Variants in SLC24A2 observed in about 807,000 individuals in gnomAD.
The protein encoded by SLC24A2 is solute carrier family 24 member 2, also known as sodium/potassium/calcium exchanger 2.
A neutral mutation model predicts 62.0 loss-of-function variants in SLC24A2; 36 were observed. The observed-to-expected ratio is 0.58, with a 90% confidence interval of 0.44 to 0.77. The LOEUF (loss-of-function observed/expected upper bound fraction) is 0.77, where lower values mean the gene tolerates loss of function less well. Among genes scored for constraint, SLC24A2 ranks in the 30% least tolerant of loss-of-function variants. The pLI, the probability that SLC24A2 is intolerant of heterozygous loss-of-function variation, is 0.00. For synonymous variants in SLC24A2, 358 were observed against 294.0 expected (o/e 1.22, Z -2.23); for missense variants, 846 against 817.9 (o/e 1.03, Z -0.42).
intron 4 of SLC24A2, among the ~76,000 whole-genome samples, chr9:19,607,758 A>G (rs1837034239): frequency 6.6e-6 from 1 of 151,614 alleles, no homozygotes; most frequent in Admixed American, 6.6e-5. Context: ...TTTTGGCCAC[A>G]TACCTTGTGG....
At chr9:19,964,135 C>T in the SLC24A2 span, among the ~76,000 whole-genome samples, 165 of 146,702 alleles carry the variant, frequency 1.1e-3, 2 homozygotes, top group East Asian at 0.031. Context: ...AACCAAACAC[C>T]GCATGTTCTC....
the SLC24A2 span, among the ~76,000 whole-genome samples, chr9:20,118,878 G>T: frequency 6.6e-6 from 1 of 152,020 alleles, no homozygotes; most frequent in African/African-American, 2.4e-5. Flanking sequence ...ACTGTGACTT[G>T]CTTCTAACCA....
the SLC24A2 span, among the ~76,000 whole-genome samples, chr9:19,975,951 A>C: frequency 1.3e-5 from 2 of 151,986 alleles, no homozygotes; most frequent in South Asian, 4.1e-4. Context: ...TATCACCCAA[A>C]TTGGAATGCA....
chr9:19,925,693 G>A, the SLC24A2 span, among the ~76,000 whole-genome samples: 2 of 152,194 alleles, frequency 1.3e-5, no homozygotes, highest in African/African-American at 2.4e-5. Context: ...AAAAACCTGA[G>A]GTTCCCTGAC....
At chr9:20,066,443 T>C in the SLC24A2 span, among the ~76,000 whole-genome samples, 1 of 152,182 alleles carries the variant, frequency 6.6e-6, no homozygotes, top group African/African-American at 2.4e-5. Flanking sequence ...AATTAAGAAG[T>C]TGGCTTAATG....
chr9:19,901,795 T>C, the SLC24A2 span, among the ~76,000 whole-genome samples: 2 of 152,026 alleles, frequency 1.3e-5, no homozygotes, highest in African/African-American at 2.4e-5. Context: ...AGGAGAAAGC[T>C]ACTGAGATAA....
intron 8 of SLC24A2, among the ~76,000 whole-genome samples, chr9:19,544,449 T>C (rs932662897): frequency 2.0e-5 from 3 of 152,276 alleles, no homozygotes; most frequent in East Asian, 1.9e-4. Flanking sequence ...AATATTGTTA[T>C]GTGTGAATTT....
chr9:19,525,231 T>C (rs373841177), intron 9 of SLC24A2, among the ~76,000 whole-genome samples: 5 of 152,166 alleles, frequency 3.3e-5, no homozygotes, highest in African/African-American at 7.2e-5. Flanking sequence ...ATATAAAATA[T>C]CATGTAGAAA....
the SLC24A2 span, among the ~76,000 whole-genome samples, chr9:20,265,868 G>A: frequency 6.6e-6 from 1 of 152,118 alleles, no homozygotes; most frequent in African/African-American, 2.4e-5. Flanking sequence ...CTGAGGGTGG[G>A]CCTCTAAAAT....
the SLC24A2 span, among the ~76,000 whole-genome samples, chr9:20,144,838 G>C: frequency 6.6e-6 from 1 of 151,474 alleles, no homozygotes; most frequent in Non-Finnish European, 1.5e-5. Flanking sequence ...GGAAATGTTA[G>C]TTTAAAAAAA....
At chr9:19,697,858 C>A (rs377514216) in intron 2 of SLC24A2, among the ~76,000 whole-genome samples, 6 of 152,042 alleles carry the variant, frequency 3.9e-5, no homozygotes, top group African/African-American at 1.4e-4. Context: ...CAAAGTTCAC[C>A]TGAAAAAACA....
the SLC24A2 span, among the ~76,000 whole-genome samples, chr9:20,042,117 A>C: frequency 6.6e-6 from 1 of 152,230 alleles, no homozygotes; most frequent in Non-Finnish European, 1.5e-5. Context: ...TGGTGGGCAG[A>C]CTGTGGCAGG....
chr9:20,042,414 A>G, the SLC24A2 span, among the ~76,000 whole-genome samples: 4 of 152,224 alleles, frequency 2.6e-5, no homozygotes, highest in Non-Finnish European at 5.9e-5. Context: ...AATGTTATAG[A>G]GGACTTTTAG....
chr9:19,772,996 GA>G (rs1449332870), intron 2 of SLC24A2, among the ~76,000 whole-genome samples: 5 of 152,046 alleles, frequency 3.3e-5, no homozygotes, highest in African/African-American at 1.2e-4. Flanking sequence ...ATATTATTTG[GA>G]CATAAAAAGG....
intron 8 of SLC24A2, among the ~76,000 whole-genome samples, chr9:19,549,175 G>T (rs1270719268): frequency 1.3e-5 from 2 of 152,174 alleles, no homozygotes; most frequent in Non-Finnish European, 2.9e-5. Flanking sequence ...AAACATAGTC[G>T]ATTAAAGTAA....
At chr9:19,687,737 C>T (rs1430483323) in intron 2 of SLC24A2, among the ~76,000 whole-genome samples, 1 of 152,064 alleles carries the variant, frequency 6.6e-6, no homozygotes, top group Non-Finnish European at 1.5e-5. Context: ...CAGATTCCTA[C>T]CAGTTACTAC....
intron 7 of SLC24A2, among the ~76,000 whole-genome samples, chr9:19,568,935 A>G (rs1356493823): frequency 6.6e-6 from 1 of 152,134 alleles, no homozygotes; most frequent in Non-Finnish European, 1.5e-5. Flanking sequence ...TTTATATGCT[A>G]TTTCCCTTCT....
At chr9:19,835,269 G>C in the SLC24A2 span, among the ~76,000 whole-genome samples, 1 of 152,130 alleles carries the variant, frequency 6.6e-6, no homozygotes, top group South Asian at 2.1e-4. Context: ...CAATTAAAAG[G>C]AAGAGACTGG....
chr9:20,251,139 G>C, the SLC24A2 span, among the ~76,000 whole-genome samples: 1 of 152,164 alleles, frequency 6.6e-6, no homozygotes, highest in African/African-American at 2.4e-5. Flanking sequence ...GCCAGCAAAA[G>C]ACACAACCAA....
Sources: allele counts gnomAD v4.1 joint callset (sites outside exome capture counted in the v4.1 genomes callset), GRCh38; gene constraint gnomAD v4.1.1; transcripts MANE v1.5; gene names NCBI Gene and HGNC (gene_info 2026-07-23, HGNC 2026-07-21).